Variants in LIMA1 observed in about 807,000 individuals in gnomAD.
LIMA1 encodes LIM domain and actin binding 1.
Under a neutral mutation model 62.6 loss-of-function variants are expected in LIMA1, and 52 were observed. That is an observed-to-expected ratio of 0.83 (90% CI 0.67 to 1.05). LIMA1 has a LOEUF of 1.05. LIMA1 is among the 50% of genes least tolerant of loss of function. The pLI is 0.00. For synonymous variants in LIMA1, 302 were observed against 317.8 expected, an observed-to-expected ratio of 0.95 and a Z score of 0.53; for missense variants, 780 against 902.2, an observed-to-expected ratio of 0.86 and a Z score of 1.74.
rs542497162 is a variant in LIMA1, at chr12:50,267,093, G to A, written c.-24+16327C>T. On this transcript the variant is annotated intron_variant, in intron 1 of 10. Coordinates refer to ENST00000341247, the MANE Select transcript of LIMA1 (RefSeq NM_016357.5). ...TATTTTTATTATTATTTTTTGAGAC[G>A]GAGTCTAGCTCTGTCGCCCAGGCTG... 4.6e-5 allele frequency among the ~76,000 whole-genome samples: 7 copies of A among 150,720 alleles called. No homozygotes were observed. The South Asian group carries it at 8.4e-4, about 18-fold the overall frequency.
rs150760549 is a variant in LIMA1, at chr12:50,222,777, T to C, written c.166-292A>G. Reference sequence around the variant, plus strand: ...AAACCCAGCTCTAATGATAGTTACATGCGAAACAAGAGATTTTTACCCAAA... The same window carrying C: ...AAACCCAGCTCTAATGATAGTTACACGCGAAACAAGAGATTTTTACCCAAA... On this transcript the variant is annotated intron_variant, in intron 3 of 10. Coordinates refer to ENST00000341247, the MANE Select transcript of LIMA1 (RefSeq NM_016357.5). The C allele has an allele frequency of 2.6e-5, 25 of 972,550 alleles. No homozygotes were observed. The African/African-American group carries it at 3.8e-4, about 15-fold the overall frequency. 60.2% of individuals were successfully genotyped at this position (972,550 alleles called of 1,614,324 possible).
intron 9 of LIMA1, among the ~76,000 whole-genome samples, 192 bp downstream of exon 9, chr12:50,192,260 C>T (rs1372601345): frequency 6.6e-6 from 1 of 152,120 alleles, no homozygotes; most frequent in African/African-American, 2.4e-5. Context: ...CCTTCTCGCT[C>T]CCGGGCCAAA....
intron 3 of LIMA1, among the ~76,000 whole-genome samples, chr12:50,226,075 C>T (rs566920249): frequency 6.6e-6 from 1 of 152,136 alleles, no homozygotes; most frequent in Non-Finnish European, 1.5e-5. Flanking sequence ...GAGACAGGTT[C>T]TTGCTCTATT....
intron 2 of LIMA1, among the ~76,000 whole-genome samples, chr12:50,235,476 G>A (rs1436715851): frequency 2.6e-5 from 4 of 151,868 alleles, no homozygotes; most frequent in Non-Finnish European, 4.4e-5. Flanking sequence ...AGTTTGCCAC[G>A]CTGGTCTCGA....
At chr12:50,265,394 C>T (rs910007741) in intron 1 of LIMA1, among the ~76,000 whole-genome samples, 4 of 151,998 alleles carry the variant, frequency 2.6e-5, no homozygotes, top group African/African-American at 7.2e-5. Context: ...GTGGCGCATG[C>T]CTGTAATCCC....
chr12:50,191,784 T>C (rs1016441924), intron 9 of LIMA1, among the ~76,000 whole-genome samples: 6 of 152,042 alleles, frequency 3.9e-5, no homozygotes, highest in African/African-American at 1.4e-4. Context: ...ATAGCGCCAC[T>C]GCACTCCAGC....
intron 1 of LIMA1, among the ~76,000 whole-genome samples, chr12:50,271,786 G>A (rs138196735): frequency 2.0e-5 from 3 of 152,158 alleles, no homozygotes; most frequent in Non-Finnish European, 4.4e-5. Flanking sequence ...AACATGTAGG[G>A]GCTCAATAAA....
rs577308413 is a variant in LIMA1 at position 50,241,933 on chromosome 12, A to ATTTTTTTTTT, written c.119+6690_119+6699dup. Among the ~76,000 whole-genome samples, 51 of 36,434 alleles carry ATTTTTTTTTT rather than the reference A, an allele frequency of 1.4e-3. 12 individuals are homozygous for ATTTTTTTTTT. The highest frequency in any genetic ancestry group is 1.5e-3 in the Non-Finnish European group (31 of 20,246). The allele number at this position is 36,434 out of a possible 152,430, so 23.9% of individuals were successfully genotyped here. On this transcript the variant is annotated intron_variant, in intron 2 of 10. Transcript: ENST00000341247. ...AATTTTGTTCCTCTTTCCTTCCCAGATTTTTTTTTTTTTTTTTTTTTTTTT... is the reference window on the plus strand; with the variant it reads ...AATTTTGTTCCTCTTTCCTTCCCAGATTTTTTTTTTTTTTTTTTTTTTTTTTTTTTTTTTT...
chr12:50,196,786 G>A (rs993522166), intron 7 of LIMA1, among the ~76,000 whole-genome samples: 4 of 152,124 alleles, frequency 2.6e-5, no homozygotes, highest in African/African-American at 7.2e-5. Context: ...GAATTTCAGC[G>A]TGGTTATTTT....
At chr12:50,278,148 A>C (rs1291758761) in intron 1 of LIMA1, among the ~76,000 whole-genome samples, 1 of 149,776 alleles carries the variant, frequency 6.7e-6, no homozygotes, top group African/African-American at 2.5e-5. Context: ...GGGCTGGGCG[A>C]GGTGGCTCAT....
rs1363927789 is a variant in LIMA1, at chr12:50,204,653, G to C, written c.763C>G (p.Arg255Gly). 9 of 1,613,996 alleles carry C rather than the reference G, an allele frequency of 5.6e-6. No homozygotes were observed. Among genetic ancestry groups the C allele is most frequent in the Non-Finnish European group, 6.8e-6 (8 of 1,180,008 alleles). The change falls in exon 6 of 11, where the codon CGA becomes GGA. Residue 255 changes from arginine to glycine, a missense_variant. Transcript: ENST00000341247. ...TFDSEKNESR[R>G]NLELPRLSET... ...GAGAGGCGTGGAAGTTCCAGATTTC[G>C]TCTACTCTCATTTTTCTCCGAGTCA...
chr12:50,193,576 TATATAC>T, intron 8 of LIMA1, among the ~76,000 whole-genome samples: 1 of 135,524 alleles, frequency 7.4e-6, no homozygotes, highest in Non-Finnish European at 1.5e-5. Context: ...ATATGATATA[TATATAC>T]ATGTATATAT....
At chr12:50,214,580 G>C (rs1021150957) in intron 4 of LIMA1, among the ~76,000 whole-genome samples, 2 of 152,208 alleles carry the variant, frequency 1.3e-5, no homozygotes, top group Non-Finnish European at 2.9e-5. Flanking sequence ...AGGCCAAGGT[G>C]GGGGGATCAC....
rs1182105687 is a variant in LIMA1, at chr12:50,183,831, A to AAC, written c.1141-1795_1141-1794insGT. ...GTCTCAAAAAAAAAAAAAAAAAAAAAAAACCCAAAACAGGCCCATAAAAAA... is the reference window on the plus strand; with the variant it reads ...GTCTCAAAAAAAAAAAAAAAAAAAAAACAAACCCAAAACAGGCCCATAAAAAA... On this transcript the variant is annotated intron_variant, in intron 9 of 10. Transcript: ENST00000341247. 4.9e-3 allele frequency among the ~76,000 whole-genome samples: 738 copies of AAC among 150,596 alleles called. 5 individuals are homozygous for AAC. The highest frequency in any genetic ancestry group is 8.1e-3 in the Non-Finnish European group (546 of 67,520).
intron 2 of LIMA1, among the ~76,000 whole-genome samples, chr12:50,238,456 G>A (rs1419866815): frequency 3.3e-5 from 5 of 151,946 alleles, no homozygotes; most frequent in East Asian, 1.9e-4. Context: ...GCAGTGAGCC[G>A]AGATTGCGCC....
At chr12:50,224,640 A>C (rs1486524722) in intron 3 of LIMA1, among the ~76,000 whole-genome samples, 1 of 152,190 alleles carries the variant, frequency 6.6e-6, no homozygotes, top group East Asian at 1.9e-4. Flanking sequence ...TCAGATACCT[A>C]TCATGTGATC....
rs978713041 is a variant in LIMA1, at chr12:50,203,883, C to T, written c.864+669G>A. ...ATGAAATTTCCAAAATAGGCAGATA[C>T]ATAAAGACAGGAAGTAGCTAAGTGG... is the stretch of plus-strand genomic sequence containing the variant. On this transcript the variant is annotated intron_variant, in intron 6 of 10. Transcript: ENST00000341247. Among the ~76,000 whole-genome samples, 26 of 152,088 alleles carry T rather than the reference C, an allele frequency of 1.7e-4. 1 individual carries two copies. The highest frequency in any genetic ancestry group is 6.0e-4 in the African/African-American group (25 of 41,400).
chr12:50,201,138 A>C, intron 6 of LIMA1: 1 of 1,215,896 alleles, frequency 8.2e-7, no homozygotes, highest in Non-Finnish European at 1.0e-6. Context: ...ATACAGACAC[A>C]TCAACACAGG....
chr12:50,192,430 C>G, intron 9 of LIMA1, 22 bp downstream of exon 9: 1 of 1,470,002 alleles, frequency 6.8e-7, no homozygotes, highest in South Asian at 1.1e-5. Context: ...TCCAAAGGCT[C>G]AGAGAGAAAT....
Sources: allele counts gnomAD v4.1 joint callset (sites outside exome capture counted in the v4.1 genomes callset), GRCh38; gene constraint gnomAD v4.1.1; transcripts MANE v1.5; gene names NCBI Gene and HGNC (gene_info 2026-07-23, HGNC 2026-07-21).